CSMD1: variants seen among roughly 807,000 people sequenced by gnomAD.
CSMD1 encodes the protein CUB and Sushi multiple domains 1.
A neutral mutation model predicts 417.5 loss-of-function variants in CSMD1; 213 were observed. That is an observed-to-expected ratio of 0.51 (90% CI 0.46 to 0.57). The LOEUF (loss-of-function observed/expected upper bound fraction) is 0.57. Ranked by LOEUF, CSMD1 falls within the 20% of genes least tolerant of loss-of-function variation. The pLI, the probability that CSMD1 is intolerant of heterozygous loss-of-function variation, is 0.00. For synonymous variants in CSMD1, 2,862 were observed against 1,736.8 expected (o/e 1.65, Z -16.11); for missense variants, 6,923 against 4,529.7 (o/e 1.53, Z -15.17).
intron 5 of CSMD1, among the ~76,000 whole-genome samples, chr8:3,850,561 G>C (rs1803829456): frequency 6.6e-6 from 1 of 152,142 alleles, no homozygotes; most frequent in Non-Finnish European, 1.5e-5. Context: ...CGGGCATGAT[G>C]GCTCTCACCT....
chr8:3,784,410 T>C (rs1414168978), intron 5 of CSMD1, among the ~76,000 whole-genome samples: 1 of 152,212 alleles, frequency 6.6e-6, no homozygotes, highest in Non-Finnish European at 1.5e-5. Flanking sequence ...TAACTGCTGT[T>C]AGTATTATGC....
chr8:3,712,658 G>A (rs375161206), intron 6 of CSMD1, among the ~76,000 whole-genome samples: 319 of 152,302 alleles, frequency 2.1e-3, no homozygotes, highest in African/African-American at 7.5e-3. Context: ...TCGGAGGTGA[G>A]CTTGGTTTAG....
chr8:3,491,162 A>G (rs1532583), intron 11 of CSMD1, among the ~76,000 whole-genome samples: 113,474 of 151,944 alleles, frequency 0.75, 42,783 homozygotes, highest in African/African-American at 0.83. Context: ...TGTCAGATGC[A>G]AAAGACTGTC....
chr8:2,938,572 G>T lies in CSMD1; in HGVS notation c.*13C>A, dbSNP rs1216562584. 1 of 1,607,588 alleles carries T rather than the reference G, an allele frequency of 6.2e-7. No individual in the cohort carries two copies. The highest frequency in any genetic ancestry group is 1.3e-5 in the African/African-American group (1 of 74,938). On this transcript the variant is annotated 3_prime_UTR_variant, in exon 70 of 70. Transcript: ENST00000635120. ...GGTATGGCTATGAATCAGTCCTGTT[G>T]GGGCACTGAGGGCTATACCACTGTA...
At chr8:3,293,277 C>G (rs997392584) in intron 25 of CSMD1, among the ~76,000 whole-genome samples, 1 of 152,090 alleles carries the variant, frequency 6.6e-6, no homozygotes, top group Non-Finnish European at 1.5e-5. Context: ...TTCATTTCAA[C>G]TTTGGTGAAT....
intron 3 of CSMD1, among the ~76,000 whole-genome samples, chr8:4,341,289 G>A (rs952255411): frequency 6.6e-6 from 1 of 152,074 alleles, no homozygotes; most frequent in African/African-American, 2.4e-5. Context: ...GCATATTTCA[G>A]GCTCAAATAT....
intron 66 of CSMD1, 134 bp from the exon 67 acceptor site, chr8:2,950,477 T>A: frequency 1.6e-6 from 1 of 623,170 alleles, no homozygotes; most frequent in South Asian, 2.0e-5. Flanking sequence ...AAATTGTATT[T>A]TTATTTGTGA....
At chr8:3,407,160 C>G (rs1445469416) in intron 14 of CSMD1, among the ~76,000 whole-genome samples, 1 of 111,118 alleles carries the variant, frequency 9.0e-6, no homozygotes. Context: ...GATGGATGGA[C>G]AGATGGAAGG....
intron 3 of CSMD1, among the ~76,000 whole-genome samples, chr8:4,189,287 T>C (rs970944055): frequency 6.6e-6 from 1 of 152,154 alleles, no homozygotes; most frequent in Non-Finnish European, 1.5e-5. Context: ...ATCTCTTTAC[T>C]CAAGAAAACA....
rs147861038 is a variant in CSMD1 at position 3,940,584 on chromosome 8, C to A, written c.818+57319G>T. On this transcript the variant is annotated intron_variant, in intron 5 of 69. Transcript: ENST00000635120. ...TTGTGTGGATATAGGTATTCAAGAACAACAACAAAAAAGAACATATACACC... is the reference window on the plus strand; with the variant it reads ...TTGTGTGGATATAGGTATTCAAGAAAAACAACAAAAAAGAACATATACACC... Among the ~76,000 whole-genome samples, 338 of 148,378 alleles carry A rather than the reference C, an allele frequency of 2.3e-3. 3 individuals carry two copies. The highest frequency in any genetic ancestry group is 8.2e-3 in the African/African-American group (331 of 40,500).
chr8:4,555,206 G>A (rs1279593893), intron 2 of CSMD1, among the ~76,000 whole-genome samples: 2 of 152,210 alleles, frequency 1.3e-5, no homozygotes, highest in African/African-American at 2.4e-5. Flanking sequence ...GAATAAGAAT[G>A]AATGCAGGAA....
Position 4,576,913 on chromosome 8 carries a change from A to G in CSMD1, c.302+60429T>C, listed in dbSNP as rs187513911. Among the ~76,000 whole-genome samples, 752 of 152,298 alleles carry G rather than the reference A, an allele frequency of 4.9e-3. 5 individuals carry two copies. The highest frequency in any genetic ancestry group is 5.1e-3 in the Non-Finnish European group (346 of 68,026). The stretch of plus-strand genomic sequence containing the variant: ...AATAATTTTTCCAGGAATTAATAGA[A>G]TGATTATTTAGATTTACTTATGTAG... On this transcript the variant is annotated intron_variant, in intron 2 of 69. Transcript: ENST00000635120.
chr8:3,950,582 C>G (rs1006665610), intron 5 of CSMD1, among the ~76,000 whole-genome samples: 1 of 152,198 alleles, frequency 6.6e-6, no homozygotes, highest in Non-Finnish European at 1.5e-5. Flanking sequence ...AGCAATATTG[C>G]GTGAAATATG....
At chr8:3,558,180 TCC>T (rs1563151794) in intron 10 of CSMD1, among the ~76,000 whole-genome samples, 9 of 149,586 alleles carry the variant, frequency 6.0e-5, no homozygotes, top group Admixed American at 2.0e-4. Context: ...CCGTGTCCAC[TCC>T]TCCAATGATG....
intron 3 of CSMD1, among the ~76,000 whole-genome samples, chr8:4,096,669 G>C (rs1368208150): frequency 6.6e-6 from 1 of 152,166 alleles, no homozygotes; most frequent in African/African-American, 2.4e-5. Flanking sequence ...AAGAACATAA[G>C]GCAACAAATT....
At chr8:4,927,612 A>G (rs961682949) in intron 1 of CSMD1, among the ~76,000 whole-genome samples, 8 of 152,212 alleles carry the variant, frequency 5.3e-5, no homozygotes, top group Non-Finnish European at 1.0e-4. Context: ...GGCATCCTAA[A>G]CTGACGAAAG....
chr8:4,115,512 A>C (rs931612646), intron 3 of CSMD1, among the ~76,000 whole-genome samples: 1 of 152,204 alleles, frequency 6.6e-6, no homozygotes, highest in East Asian at 1.9e-4. Flanking sequence ...ATTATCTTGA[A>C]AAAACGTAGG....
At chr8:4,323,219 G>C (rs181163538) in intron 3 of CSMD1, among the ~76,000 whole-genome samples, 8 of 152,150 alleles carry the variant, frequency 5.3e-5, no homozygotes, top group Non-Finnish European at 1.5e-5. Context: ...CCATGTGATT[G>C]TAAGAGAAGT....
rs181600009 is a variant in CSMD1 at position 4,053,689 on chromosome 8, A to G, written c.416-21590T>C. Reference sequence around the variant, plus strand: ...ACCCCAAAAATAGCAGGTTAAAATCAAACAGCTCATCATGGCAGTAGGAGG... The same window carrying G: ...ACCCCAAAAATAGCAGGTTAAAATCGAACAGCTCATCATGGCAGTAGGAGG... On this transcript the variant is annotated intron_variant, in intron 3 of 69. Transcript: ENST00000635120. Among the ~76,000 whole-genome samples the G allele has an allele frequency of 3.0e-3, 450 of 152,198 alleles. 2 individuals are homozygous for G. The highest frequency in any genetic ancestry group is 0.01 in the African/African-American group (430 of 41,530).
Sources: allele counts gnomAD v4.1 joint callset (sites outside exome capture counted in the v4.1 genomes callset), GRCh38; gene constraint gnomAD v4.1.1; transcripts MANE v1.5; gene names NCBI Gene and HGNC (gene_info 2026-07-23, HGNC 2026-07-21).